Variants in ANO4 observed in about 807,000 individuals in gnomAD.
ANO4 encodes anoctamin 4, also known as anoctamin-4.
A neutral mutation model predicts 141.9 loss-of-function variants in ANO4; 69 were observed. That is an observed-to-expected ratio of 0.49 (90% CI 0.40 to 0.59). ANO4 has a LOEUF of 0.59. Ranked by LOEUF, ANO4 falls within the 20% of genes least tolerant of loss-of-function variation. The pLI, the probability that ANO4 is intolerant of heterozygous loss-of-function variation, is 0.00. For missense variants in ANO4, 894 were observed against 1,162.2 expected, an observed-to-expected ratio of 0.77 and a Z score of 3.36; for synonymous variants, 350 against 394.3, an observed-to-expected ratio of 0.89 and a Z score of 1.33.
intron 7 of ANO4, among the ~76,000 whole-genome samples, chr12:100,976,752 C>T (rs192376291): frequency 4.4e-4 from 67 of 152,116 alleles, no homozygotes; most frequent in South Asian, 2.7e-3. Context: ...GACTATGGGA[C>T]GGGAAAACAA....
chr12:100,758,793 T>G (rs2032728720), intron 3 of ANO4, among the ~76,000 whole-genome samples: 1 of 152,216 alleles, frequency 6.6e-6, no homozygotes, highest in African/African-American at 2.4e-5. Flanking sequence ...CTGAAGATTC[T>G]GAGGGAGAAT....
At position 101,120,501 on chromosome 12, in the gene ANO4, T is replaced by C. The variant is rs1028556958; in HGVS notation, c.2571-19T>C. 30 of 1,600,314 alleles carry C rather than the reference T, an allele frequency of 1.9e-5. 1 individual carries two copies. The highest frequency in any genetic ancestry group is 2.7e-5 in the African/African-American group (2 of 74,574). On this transcript the variant is annotated intron_variant, in intron 25 of 27. Transcript: ENST00000392977. ...GAAAAATCATAGTTTGAATGCAACA[T>C]TTTTCTGTGTCTTTATAGATACCGG...
At chr12:101,124,697 G>C (rs919332037) in intron 26 of ANO4, among the ~76,000 whole-genome samples, 3 of 152,172 alleles carry the variant, frequency 2.0e-5, no homozygotes, top group African/African-American at 7.2e-5. Flanking sequence ...TGGCTAGCCA[G>C]TTCTCCCAAA....
intron 3 of ANO4, among the ~76,000 whole-genome samples, chr12:100,769,198 C>T (rs1473022295): frequency 1.3e-5 from 2 of 152,146 alleles, no homozygotes. Flanking sequence ...CAAAATTATT[C>T]ATCCTCACTT....
intron 3 of ANO4, among the ~76,000 whole-genome samples, chr12:100,935,333 G>C (rs538635716): frequency 7.9e-5 from 12 of 152,038 alleles, no homozygotes; most frequent in African/African-American, 2.6e-4. Context: ...GGCCTTTTCT[G>C]CATTTATTGA....
At chr12:101,127,277 A>T (rs2051360103) in intron 27 of ANO4, among the ~76,000 whole-genome samples, 3 of 152,214 alleles carry the variant, frequency 2.0e-5, no homozygotes. Context: ...ACCTTCTGCA[A>T]CACTTCTCTG....
chr12:101,107,302 C>G (rs2137000109), intron 22 of ANO4, among the ~76,000 whole-genome samples: 1 of 152,244 alleles, frequency 6.6e-6, no homozygotes, highest in South Asian at 2.1e-4. Context: ...CACAAAACCC[C>G]TGTAGTGAGT....
In ANO4 at chr12:101,092,560, T is replaced by C. The variant is rs1184816630; in HGVS notation, c.1702-1696T>C. Among the ~76,000 whole-genome samples, 3 of 152,184 alleles carry C rather than the reference T, an allele frequency of 2.0e-5. No individual in the cohort carries two copies. The East Asian group carries it at 5.8e-4, about 29-fold the overall frequency. On this transcript the variant is annotated intron_variant, in intron 17 of 27. Transcript: ENST00000392977. Reference sequence around the variant, plus strand: ...CCTCTGTGTGTGTGCCCTTCCCTCCTGCATCCTGTCCAATGTCTCACAGTC... The same window carrying C: ...CCTCTGTGTGTGTGCCCTTCCCTCCCGCATCCTGTCCAATGTCTCACAGTC...
intron 3 of ANO4, among the ~76,000 whole-genome samples, chr12:100,764,997 T>G (rs1276049837): frequency 6.6e-6 from 1 of 152,212 alleles, no homozygotes; most frequent in Non-Finnish European, 1.5e-5. Flanking sequence ...TGGAATTGTT[T>G]CTTCTTCAAT....
chr12:101,063,745 CTTTTTTTTTTTTTTTTTTTTTTT>C, intron 14 of ANO4, among the ~76,000 whole-genome samples: 1 of 24,772 alleles, frequency 4.0e-5, no homozygotes, highest in Admixed American at 6.9e-4. Context: ...TCCAGGTTAT[CTTTTTTTTTTTTTTTTTTTTTTT>C]TTTTTTTTTT....
intron 3 of ANO4, among the ~76,000 whole-genome samples, chr12:100,779,650 T>C (rs1412661969): frequency 6.6e-6 from 1 of 152,168 alleles, no homozygotes; most frequent in Non-Finnish European, 1.5e-5. Flanking sequence ...GAACCTTCTC[T>C]ACCCCTCATA....
intron 1 of ANO4, among the ~76,000 whole-genome samples, chr12:100,725,198 T>C (rs2031054203): frequency 6.6e-6 from 1 of 152,196 alleles, no homozygotes; most frequent in Non-Finnish European, 1.5e-5. Flanking sequence ...TTGAAAGGTT[T>C]AATGAAAACC....
At chr12:101,056,648 T>G (rs2048131889) in intron 14 of ANO4, among the ~76,000 whole-genome samples, 1 of 152,096 alleles carries the variant, frequency 6.6e-6, no homozygotes, top group Non-Finnish European at 1.5e-5. Flanking sequence ...GTACTAGACA[T>G]CCTTGCCTTA....
intron 1 of ANO4, among the ~76,000 whole-genome samples, chr12:100,828,120 C>T (rs1415595283): frequency 2.0e-5 from 3 of 152,008 alleles, no homozygotes; most frequent in Admixed American, 1.3e-4. Flanking sequence ...GAGTAGGGTC[C>T]ACTGTCTCAT....
intron 1 of ANO4, among the ~76,000 whole-genome samples, chr12:100,721,786 T>G (rs938033545): frequency 5.3e-5 from 8 of 152,070 alleles, no homozygotes; most frequent in Non-Finnish European, 8.8e-5. Context: ...TCAAGCAGTC[T>G]TCCTTCATCA....
At chr12:100,873,458 A>G (rs1315365713) in intron 1 of ANO4, among the ~76,000 whole-genome samples, 2 of 152,200 alleles carry the variant, frequency 1.3e-5, no homozygotes, top group Admixed American at 1.3e-4. Flanking sequence ...AACTGGAGCA[A>G]AGGTCACTTT....
intron 1 of ANO4, among the ~76,000 whole-genome samples, chr12:100,799,524 A>C (rs1411365171): frequency 6.6e-6 from 1 of 152,194 alleles, no homozygotes. Context: ...TGGGCAGATC[A>C]TGAGGTCAAG....
At chr12:100,906,044 A>C (rs150157658) in intron 2 of ANO4, among the ~76,000 whole-genome samples, 7 of 152,298 alleles carry the variant, frequency 4.6e-5, no homozygotes, top group Non-Finnish European at 8.8e-5. Flanking sequence ...ATGTTTGCCA[A>C]CTCACATTAA....
intron 15 of ANO4, among the ~76,000 whole-genome samples, chr12:101,081,308 G>A (rs952802854): frequency 2.6e-5 from 4 of 152,118 alleles, no homozygotes; most frequent in African/African-American, 9.7e-5. Flanking sequence ...TATCTGTAAA[G>A]TGTGGCCCTA....
Sources: allele counts gnomAD v4.1 joint callset (sites outside exome capture counted in the v4.1 genomes callset), GRCh38; gene constraint gnomAD v4.1.1; transcripts MANE v1.5; gene names NCBI Gene and HGNC (gene_info 2026-07-23, HGNC 2026-07-21).